The following GABRB3 variants were observed in gnomAD, a reference collection of about 807,000 sequenced individuals.
GABRB3 encodes gamma-aminobutyric acid receptor subunit beta-3.
Under a neutral mutation model 52.1 loss-of-function variants are expected in GABRB3, and 14 were observed. The observed-to-expected ratio is 0.27, with a 90% CI of 0.18 to 0.42. GABRB3 has a LOEUF of 0.42. GABRB3 is among the 10% of genes least tolerant of loss of function. GABRB3 has a pLI of 1.00. For missense variants in GABRB3, 307 were observed against 609.1 expected, an observed-to-expected ratio of 0.50 and a Z score of 5.22; for synonymous variants, 260 against 232.3, an observed-to-expected ratio of 1.12 and a Z score of -1.08.
At chr15:26,678,032 A>G (rs1339537675) in intron 3 of GABRB3, among the ~76,000 whole-genome samples, 1 of 124,446 alleles carries the variant, frequency 8.0e-6, no homozygotes, top group Non-Finnish European at 1.9e-5. Context: ...GACTAGTGCC[A>G]GTAACAAATC....
chr15:26,694,474 G>A (rs1888676182), intron 3 of GABRB3, among the ~76,000 whole-genome samples: 1 of 152,176 alleles, frequency 6.6e-6, no homozygotes. Context: ...GTCTAGAGAA[G>A]CCCAAAGACA....
chr15:26,766,227 T>C (rs1247046027), intron 3 of GABRB3, among the ~76,000 whole-genome samples: 1 of 152,202 alleles, frequency 6.6e-6, no homozygotes, highest in African/African-American at 2.4e-5. Flanking sequence ...CAAAATGCAA[T>C]GATCAGCATG....
In GABRB3 at chr15:26,547,624, G is replaced by A. The variant is rs1311776147; in HGVS notation, c.*169C>T. On this transcript the variant is annotated 3_prime_UTR_variant, in exon 9 of 9. Transcript: ENST00000311550. ...TATACACATACATCCTCATATACAC[G>A]TGTATTTTATATATATGCTGAGAAA... 11 of 631,164 alleles carry A rather than the reference G, an allele frequency of 1.7e-5. No individual in the cohort carries two copies. The highest frequency in any genetic ancestry group is 5.5e-5 in the African/African-American group (3 of 54,590). The allele number at this position is 631,164 out of a possible 1,614,324, so 39.1% of individuals were successfully genotyped here.
intron 3 of GABRB3, among the ~76,000 whole-genome samples, chr15:26,686,565 A>T (rs747998710): frequency 6.6e-6 from 1 of 152,256 alleles, no homozygotes; most frequent in African/African-American, 2.4e-5. Flanking sequence ...TTTGATGGTC[A>T]TACTGTGTGG....
upstream of GABRB3, among the ~76,000 whole-genome samples, chr15:26,773,296 G>T (rs1326150649): frequency 6.6e-6 from 1 of 150,608 alleles, no homozygotes; most frequent in South Asian, 2.1e-4. Flanking sequence ...CCGCCGCACG[G>T]GACTCGGACC....
chr15:26,630,384 C>G (rs1363475251), intron 3 of GABRB3, among the ~76,000 whole-genome samples: 2 of 152,182 alleles, frequency 1.3e-5, no homozygotes, highest in East Asian at 3.9e-4. Context: ...AGGGAATTCT[C>G]CAGTCTACTG....
chr15:26,642,198 A>AT (rs1210904587), intron 3 of GABRB3, among the ~76,000 whole-genome samples: 1 of 151,994 alleles, frequency 6.6e-6, no homozygotes, highest in Non-Finnish European at 1.5e-5. Flanking sequence ...TTCCCCCCAG[A>AT]TTTTTTTCAA....
chr15:26,640,773 A>G (rs537102550), intron 3 of GABRB3, among the ~76,000 whole-genome samples: 2 of 152,326 alleles, frequency 1.3e-5, no homozygotes, highest in African/African-American at 4.8e-5. Flanking sequence ...CGCGGAGATG[A>G]TTACACAGCT....
intron 3 of GABRB3, among the ~76,000 whole-genome samples, chr15:26,628,185 A>G (rs1595496091): frequency 6.6e-6 from 1 of 152,404 alleles, no homozygotes; most frequent in East Asian, 1.9e-4. Flanking sequence ...TAACTTTTAT[A>G]TATCTTGGGA....
chr15:26,701,207 T>C (rs1888925349), intron 3 of GABRB3, among the ~76,000 whole-genome samples: 1 of 152,200 alleles, frequency 6.6e-6, no homozygotes, highest in Non-Finnish European at 1.5e-5. Flanking sequence ...GACAAGGATA[T>C]TGCTCTTGCC....
chr15:26,684,960 A>T (rs1888356536), intron 3 of GABRB3, among the ~76,000 whole-genome samples: 1 of 152,194 alleles, frequency 6.6e-6, no homozygotes, highest in African/African-American at 2.4e-5. Flanking sequence ...TCTGGCGCCA[A>T]TAGACTTGCT....
chr15:26,561,499 A>G (rs1889987184), intron 7 of GABRB3, among the ~76,000 whole-genome samples: 1 of 145,336 alleles, frequency 6.9e-6, no homozygotes, highest in Non-Finnish European at 1.5e-5. Context: ...GTAGAGCAGG[A>G]AAAAAGAATG....
intron 3 of GABRB3, among the ~76,000 whole-genome samples, chr15:26,761,663 T>C (rs1314537329): frequency 1.3e-5 from 2 of 152,256 alleles, no homozygotes; most frequent in East Asian, 1.9e-4. Context: ...GAGCACTGCC[T>C]GTTTCCTCTG....
rs77459163 is a variant in GABRB3, at chr15:26,573,323, T to G, written c.683-5590A>C. On this transcript the variant is annotated intron_variant, in intron 6 of 8. Transcript: ENST00000311550. The stretch of plus-strand genomic sequence containing the variant: ...TTCTAATTTTTACTCCCATTACTAG[T>G]CATCTTATTATGTGTTGAAAAAACC... Among the ~76,000 whole-genome samples, 291 of 152,268 alleles carry G rather than the reference T, an allele frequency of 1.9e-3. 9 individuals carry two copies. In the East Asian group the frequency reaches 0.052, roughly 27 times the overall value.
rs576273735 is a variant in GABRB3, at chr15:26,755,124, C to T, written c.240+17278G>A. Among the ~76,000 whole-genome samples the T allele has an allele frequency of 2.0e-5, 3 of 152,088 alleles. No individual in the cohort carries two copies. The South Asian group carries it at 6.2e-4, about 32-fold the overall frequency. On this transcript the variant is annotated intron_variant, in intron 3 of 8. Transcript: ENST00000311550. ...GTTCAAGCGATTCTCCTGCCTCAGC[C>T]TCCCAAGTACCTGGGATTACAGGTG...
At chr15:26,656,642 G>A (rs1887381138) in intron 3 of GABRB3, among the ~76,000 whole-genome samples, 1 of 152,124 alleles carries the variant, frequency 6.6e-6, no homozygotes, top group African/African-American at 2.4e-5. Flanking sequence ...TCTCATAGGA[G>A]CACAAATCCT....
chr15:26,737,498 G>A (rs1381977715), intron 3 of GABRB3, among the ~76,000 whole-genome samples: 1 of 152,060 alleles, frequency 6.6e-6, no homozygotes, highest in East Asian at 1.9e-4. Context: ...GGACAGGGGC[G>A]GGAAAAACAG....
intron 4 of GABRB3, among the ~76,000 whole-genome samples, chr15:26,601,360 A>G (rs1481640216): frequency 2.6e-5 from 4 of 152,026 alleles, no homozygotes; most frequent in African/African-American, 9.7e-5. Flanking sequence ...CAGTGAGCTG[A>G]GATCGCGCCA....
At chr15:26,583,527 T>C in intron 4 of GABRB3, 113 bp from the exon 5 acceptor site, 1 of 775,488 alleles carries the variant, frequency 1.3e-6, no homozygotes, top group Non-Finnish European at 2.3e-6. Context: ...AAAGTACGCC[T>C]GGCTAAACAT....
Sources: allele counts gnomAD v4.1 joint callset (sites outside exome capture counted in the v4.1 genomes callset), GRCh38; gene constraint gnomAD v4.1.1; transcripts MANE v1.5; gene names NCBI Gene and HGNC (gene_info 2026-07-23, HGNC 2026-07-21).